Variants in KCNIP4 observed in about 807,000 individuals in gnomAD.
KCNIP4 encodes potassium voltage-gated channel interacting protein 4.
A neutral mutation model predicts 34.0 loss-of-function variants in KCNIP4; 12 were observed. The observed-to-expected ratio is 0.35, with a 90% CI of 0.23 to 0.57. KCNIP4 has a LOEUF of 0.57. Among genes scored for constraint, KCNIP4 ranks in the 20% least tolerant of loss-of-function variants. The pLI is 0.83. For missense variants in KCNIP4, 238 were observed against 311.7 expected (o/e 0.76, Z 1.78); for synonymous variants, 124 against 102.2 (o/e 1.21, Z -1.29).
intron 1 of KCNIP4, among the ~76,000 whole-genome samples, chr4:21,292,136 A>G (rs1456022454): frequency 1.3e-5 from 2 of 152,144 alleles, no homozygotes; most frequent in Admixed American, 6.5e-5. Flanking sequence ...ATAAACTACT[A>G]TTTGAACACA....
chr4:20,861,352 G>C (rs1313688412), intron 2 of KCNIP4, among the ~76,000 whole-genome samples: 1 of 152,036 alleles, frequency 6.6e-6, no homozygotes, highest in Non-Finnish European at 1.5e-5. Flanking sequence ...TTATTTTCAG[G>C]TGCACATGGA....
chr4:21,273,859 G>C (rs566812889), intron 1 of KCNIP4, among the ~76,000 whole-genome samples: 13 of 152,244 alleles, frequency 8.5e-5, no homozygotes, highest in Admixed American at 8.5e-4. Flanking sequence ...ATGCATGCAC[G>C]TGTGTATGTA....
chr4:21,618,789 C>T (rs932647330), intron 1 of KCNIP4, among the ~76,000 whole-genome samples: 3 of 151,542 alleles, frequency 2.0e-5, no homozygotes, highest in South Asian at 2.1e-4. Context: ...CCCGCCACCA[C>T]GCCCTGCTAA....
intron 1 of KCNIP4, among the ~76,000 whole-genome samples, chr4:20,887,717 C>T (rs985623887): frequency 6.6e-6 from 1 of 152,080 alleles, no homozygotes; most frequent in African/African-American, 2.4e-5. Flanking sequence ...TAGCTAAAAG[C>T]CTTGCATTCC....
intron 1 of KCNIP4, among the ~76,000 whole-genome samples, chr4:21,426,108 A>C (rs1274470120): frequency 1.3e-5 from 2 of 152,166 alleles, no homozygotes; most frequent in African/African-American, 2.4e-5. Context: ...TGAGCAATAA[A>C]AAGAAATAAA....
At chr4:21,741,955 T>C (rs1716434259) in intron 1 of KCNIP4, among the ~76,000 whole-genome samples, 1 of 152,136 alleles carries the variant, frequency 6.6e-6, no homozygotes, top group Non-Finnish European at 1.5e-5. Flanking sequence ...GAGAATTGCT[T>C]GAACCCTGGA....
chr4:21,837,938 C>T (rs1309184099), intron 1 of KCNIP4, among the ~76,000 whole-genome samples: 3 of 152,092 alleles, frequency 2.0e-5, no homozygotes, highest in African/African-American at 7.2e-5. Flanking sequence ...GCATGTTTTT[C>T]TCCCTATGCC....
At chr4:21,929,396 T>C (rs1040449577) in intron 1 of KCNIP4, among the ~76,000 whole-genome samples, 3 of 152,170 alleles carry the variant, frequency 2.0e-5, no homozygotes, top group Admixed American at 2.0e-4. Context: ...AGGTATTTGT[T>C]ACTGTCTACA....
At chr4:20,973,561 T>A (rs1735184299) in intron 1 of KCNIP4, among the ~76,000 whole-genome samples, 1 of 152,232 alleles carries the variant, frequency 6.6e-6, no homozygotes, top group African/African-American at 2.4e-5. Flanking sequence ...GAGAACTATT[T>A]CTTTGTGTTC....
intron 1 of KCNIP4, among the ~76,000 whole-genome samples, chr4:21,531,859 A>C (rs190399964): frequency 2.0e-4 from 30 of 152,240 alleles, no homozygotes; most frequent in Middle Eastern, 6.8e-3. Context: ...TTTAGGTGTT[A>C]AATACATGAA....
At position 20,937,770 on chromosome 4, in the gene KCNIP4, T is replaced by A. The variant is rs187922603; in HGVS notation, c.62-55061A>T. ...ATGAAGCTACCTCTTCCACACTCGG[T>A]CAGACTCTTCCTTATTTACAGCCCA... On this transcript the variant is annotated intron_variant, in intron 1 of 8. Coordinates refer to ENST00000382152, the MANE Select transcript of KCNIP4 (RefSeq NM_025221.6). Among the ~76,000 whole-genome samples the A allele has an allele frequency of 2.0e-5, 3 of 152,234 alleles. No homozygotes were observed. The East Asian group carries it at 5.8e-4, about 29-fold the overall frequency.
chr4:21,666,455 A>G (rs1748967140), intron 1 of KCNIP4, among the ~76,000 whole-genome samples: 4 of 151,862 alleles, frequency 2.6e-5, no homozygotes, highest in Non-Finnish European at 4.4e-5. Flanking sequence ...AAAAAGGCCT[A>G]CTCTCTTACA....
intron 1 of KCNIP4, among the ~76,000 whole-genome samples, chr4:21,559,620 C>G (rs1051881494): frequency 6.6e-6 from 1 of 152,066 alleles, no homozygotes; most frequent in Non-Finnish European, 1.5e-5. Context: ...CCAGGAAAGC[C>G]ACTTCAGAGA....
intron 1 of KCNIP4, among the ~76,000 whole-genome samples, chr4:21,397,764 G>A (rs184553549): frequency 5.4e-4 from 82 of 152,220 alleles, no homozygotes; most frequent in Admixed American, 2.0e-3. Context: ...ATGAAAGAAT[G>A]GGGACTATAA....
chr4:21,520,161 G>C (rs962721409), intron 1 of KCNIP4, among the ~76,000 whole-genome samples: 3 of 151,870 alleles, frequency 2.0e-5, no homozygotes, highest in African/African-American at 4.8e-5. Context: ...ATTAAGACTG[G>C]GTTTGCCTTT....
intron 1 of KCNIP4, among the ~76,000 whole-genome samples, chr4:21,495,016 A>G (rs1420692261): frequency 1.3e-5 from 2 of 152,182 alleles, no homozygotes; most frequent in Non-Finnish European, 2.9e-5. Context: ...TACATTAACA[A>G]AAGACAGTAC....
intron 1 of KCNIP4, among the ~76,000 whole-genome samples, chr4:21,589,739 A>G (rs1742039926): frequency 6.6e-6 from 1 of 151,920 alleles, no homozygotes; most frequent in South Asian, 2.1e-4. Context: ...TAACTTATTA[A>G]AAACTGTCCC....
chr4:21,208,125 C>T (rs753460710), intron 1 of KCNIP4, among the ~76,000 whole-genome samples: 27 of 152,138 alleles, frequency 1.8e-4, no homozygotes, highest in East Asian at 1.2e-3. Context: ...TACAGGTGTG[C>T]GCCACTGCAC....
At chr4:20,975,487 A>G in intron 1 of KCNIP4, among the ~76,000 whole-genome samples, 1 of 152,188 alleles carries the variant, frequency 6.6e-6, no homozygotes, top group East Asian at 1.9e-4. Flanking sequence ...AGATGGCTTA[A>G]TTTATATAAC....
Sources: allele counts gnomAD v4.1 joint callset (sites outside exome capture counted in the v4.1 genomes callset), GRCh38; gene constraint gnomAD v4.1.1; transcripts MANE v1.5; gene names NCBI Gene and HGNC (gene_info 2026-07-23, HGNC 2026-07-21).